PRRG1: variants seen among roughly 807,000 people sequenced by gnomAD.
The protein encoded by PRRG1 is proline rich and Gla domain 1.
A neutral mutation model predicts 11.8 loss-of-function variants in PRRG1; 5 were observed. The observed-to-expected ratio is 0.42, with a 90% CI of 0.22 to 0.89. The LOEUF is 0.89. PRRG1 is among the 40% of genes least tolerant of loss of function. The pLI is 0.28. For missense variants in PRRG1, 155 were observed against 166.1 expected, an observed-to-expected ratio of 0.93 and a Z score of 0.37; for synonymous variants, 66 against 60.4, an observed-to-expected ratio of 1.09 and a Z score of -0.43.
At chrX:37,373,416 C>T (rs995136399) in intron 1 of PRRG1, among the ~76,000 whole-genome samples, 1 of 111,857 alleles carries the variant, frequency 8.9e-6, no homozygotes, top group African/African-American at 3.2e-5. Flanking sequence ...TTAATTCTTC[C>T]ATTCCATGAA....
chrX:37,397,483 T>A (rs1047670921), intron 1 of PRRG1, among the ~76,000 whole-genome samples: 1 of 112,406 alleles, frequency 8.9e-6, no homozygotes, highest in Non-Finnish European at 1.9e-5. Context: ...GATACAGGTG[T>A]TGAAGACAAA....
intron 1 of PRRG1, among the ~76,000 whole-genome samples, chrX:37,360,516 G>A (rs113273279): frequency 0.038 from 4,259 of 112,126 alleles, 199 homozygotes; most frequent in African/African-American, 0.13. Flanking sequence ...TCTGAGAGCT[G>A]ACATTGCATA....
intron 1 of PRRG1, among the ~76,000 whole-genome samples, chrX:37,374,212 G>T (rs782645981): frequency 9.0e-6 from 1 of 111,496 alleles, no homozygotes; most frequent in South Asian, 3.8e-4. Flanking sequence ...GTTCGTCAGG[G>T]ATATTTGTCT....
intron 2 of PRRG1, among the ~76,000 whole-genome samples, chrX:37,417,194 A>G (rs1759101311): frequency 9.0e-6 from 1 of 111,150 alleles, no homozygotes; most frequent in South Asian, 3.8e-4. Context: ...GTTTTAGGTA[A>G]TGATCATAAC....
At chrX:37,399,176 T>C (rs1407089556) in intron 1 of PRRG1, among the ~76,000 whole-genome samples, 1 of 110,599 alleles carries the variant, frequency 9.0e-6, no homozygotes. Context: ...AGACACATAA[T>C]TGTCAGATTC....
At chrX:37,448,476 C>T (rs1406318593) in intron 3 of PRRG1, among the ~76,000 whole-genome samples, 1 of 111,417 alleles carries the variant, frequency 9.0e-6, no homozygotes, top group African/African-American at 3.3e-5. Flanking sequence ...ATCTCCAGAC[C>T]CTATTCTCCT....
In PRRG1 at chrX:37,455,734, G is replaced by C; in HGVS notation, c.*2113G>C. ...CCATGAGTACACATCAGATATCTTT[G>C]GCTTCTATTTAAAGCTAAAGGTAGA... On this transcript the variant is annotated 3_prime_UTR_variant, in exon 4 of 4. Transcript: ENST00000378628. The C allele has an allele frequency of 8.9e-6, 1 of 112,535 alleles. No individual in the cohort carries two copies. The highest frequency in any genetic ancestry group is 2.8e-4 in the East Asian group (1 of 3,597). The allele number at this position is 112,535 out of a possible 1,213,427, so 9.3% of individuals were successfully genotyped here. A position where few individuals can be genotyped will look rare whatever the true frequency, so the allele number is the denominator to read the frequency against.
chrX:37,449,589 T>C (rs1556396035), intron 3 of PRRG1, among the ~76,000 whole-genome samples: 1 of 112,547 alleles, frequency 8.9e-6, no homozygotes, highest in Non-Finnish European at 1.9e-5. Context: ...CTCTTCCCTC[T>C]GAAATGGTTG....
intron 1 of PRRG1, among the ~76,000 whole-genome samples, chrX:37,376,551 G>GTATATATATATATATATATATATA (rs542194109): frequency 0.061 from 1,635 of 26,806 alleles, 416 homozygotes; most frequent in Non-Finnish European, 0.12. Flanking sequence ...AAATGTGAGT[G>GTATATATATATATATATATATATA]TATATATATA....
At chrX:37,451,207 A>G (rs1556396495) in intron 3 of PRRG1, among the ~76,000 whole-genome samples, 1 of 111,628 alleles carries the variant, frequency 9.0e-6, no homozygotes, top group African/African-American at 3.3e-5. Flanking sequence ...TAGTACAGAC[A>G]GGGTTTCTCC....
chrX:37,414,909 T>C (rs1217445640), intron 2 of PRRG1, among the ~76,000 whole-genome samples: 2 of 112,369 alleles, frequency 1.8e-5, no homozygotes, highest in Non-Finnish European at 3.8e-5. Flanking sequence ...ATTTGAAGTA[T>C]ATAATTCTTG....
At chrX:37,394,246 G>C (rs1467937788) in intron 1 of PRRG1, among the ~76,000 whole-genome samples, 1 of 111,950 alleles carries the variant, frequency 8.9e-6, no homozygotes, top group Non-Finnish European at 1.9e-5. Context: ...GAAACTCCCA[G>C]AGGCCAAATA....
intron 2 of PRRG1, among the ~76,000 whole-genome samples, chrX:37,408,588 G>C (rs1556382739): frequency 8.9e-6 from 1 of 111,945 alleles, no homozygotes; most frequent in African/African-American, 3.3e-5. Context: ...TCCAGTGGCA[G>C]GTATTTGCAT....
intron 1 of PRRG1, among the ~76,000 whole-genome samples, chrX:37,388,064 A>G (rs1467160063): frequency 8.9e-6 from 1 of 111,866 alleles, no homozygotes; most frequent in Non-Finnish European, 1.9e-5. Context: ...CCAACCTCCA[A>G]AATAATCTCC....
intron 3 of PRRG1, among the ~76,000 whole-genome samples, chrX:37,444,859 G>A (rs1556394759): frequency 9.0e-6 from 1 of 111,261 alleles, no homozygotes; most frequent in Non-Finnish European, 1.9e-5. Flanking sequence ...AGCTTTCTGT[G>A]TAATCCCCCC....
chrX:37,362,680 C>T (rs1256245280), intron 1 of PRRG1, among the ~76,000 whole-genome samples: 1 of 111,539 alleles, frequency 9.0e-6, no homozygotes, highest in South Asian at 3.8e-4. Flanking sequence ...GGGGTCAGAC[C>T]ATCATATTGT....
chrX:37,431,716 C>T (rs181733075), intron 3 of PRRG1, among the ~76,000 whole-genome samples: 10 of 111,536 alleles, frequency 9.0e-5, no homozygotes, highest in East Asian at 8.5e-4. Context: ...CTACTACTCT[C>T]GTATTGATTA....
At position 37,403,996 on chromosome X, in the gene PRRG1, G is replaced by A. The variant is rs544398312; in HGVS notation, c.-41-2213G>A. Among the ~76,000 whole-genome samples, 32 of 112,296 alleles carry A rather than the reference G, an allele frequency of 2.8e-4. No homozygotes were observed. The South Asian group carries it at 7.4e-3, about 26-fold the overall frequency. On this transcript the variant is annotated intron_variant, in intron 1 of 3. Transcript: ENST00000378628. The stretch of plus-strand genomic sequence containing the variant: ...ATGGCTGCCTCCAGTGATGCTTGTT[G>A]TCTCCACCATGCTGACCTCTGGAGC...
intron 3 of PRRG1, among the ~76,000 whole-genome samples, chrX:37,438,396 C>T (rs978407897): frequency 9.5e-5 from 10 of 105,132 alleles, no homozygotes; most frequent in Non-Finnish European, 1.4e-4. Context: ...CATACTATGA[C>T]ATGGCATGGA....
Sources: allele counts gnomAD v4.1 joint callset (sites outside exome capture counted in the v4.1 genomes callset), GRCh38; gene constraint gnomAD v4.1.1; transcripts MANE v1.5; gene names NCBI Gene and HGNC (gene_info 2026-07-23, HGNC 2026-07-21).